Variants in HOMER1 observed in about 807,000 individuals in gnomAD.
The protein encoded by HOMER1 is homer scaffold protein 1, also known as homer protein homolog 1.
In HOMER1, 3 loss-of-function variants were observed where a neutral mutation model predicts 48.9. The observed-to-expected ratio is 0.06, with a 90% confidence interval of 0.03 to 0.16. HOMER1 has a LOEUF of 0.16. Among genes scored for constraint, HOMER1 ranks in the 10% least tolerant of loss-of-function variants. The pLI, the probability that HOMER1 is intolerant of heterozygous loss-of-function variation, is 1.00. For synonymous variants in HOMER1, 134 were observed against 146.4 expected (o/e 0.92, Z 0.61); for missense variants, 247 against 411.4 (o/e 0.60, Z 3.46).
At position 79,391,136 on chromosome 5, in the gene HOMER1, T is replaced by TTG. The variant is rs938727137; in HGVS notation, c.876+5686_876+5687insCA. On this transcript the variant is annotated intron_variant, in intron 8 of 8. Transcript: ENST00000334082. ...AGTTAATCAAAATTTTGTGGGTTTTTTTTTTGTTTTTTTTTTTTTTGAGAT... is the reference window on the plus strand; with the variant it reads ...AGTTAATCAAAATTTTGTGGGTTTTTTGTTTTTGTTTTTTTTTTTTTTGAGAT... Among the ~76,000 whole-genome samples the TTG allele has an allele frequency of 1.1e-3, 119 of 108,636 alleles. 2 individuals carry two copies. The South Asian group carries it at 0.016, about 15-fold the overall frequency. The allele number at this position is 108,636 out of a possible 152,430, so 71.3% of individuals were successfully genotyped here.
At chr5:79,379,079 C>CAT (rs3082000) in intron 8 of HOMER1, among the ~76,000 whole-genome samples, 9,432 of 54,542 alleles carry the variant, frequency 0.17, 1,545 homozygotes, top group Non-Finnish European at 0.29. Context: ...ACCTTTTGTC[C>CAT]ATATATATAT....
chr5:79,434,513 T>G (rs1238849747), intron 5 of HOMER1, among the ~76,000 whole-genome samples: 1 of 152,110 alleles, frequency 6.6e-6, no homozygotes, highest in Admixed American at 6.5e-5. Flanking sequence ...CAAAGGATGT[T>G]CAAGTGTATA....
In HOMER1 at chr5:79,514,110, C is replaced by G. The variant is rs2112393824; in HGVS notation, c.-1336G>C. 1 of 152,208 alleles carries G rather than the reference C, an allele frequency of 6.6e-6. No homozygotes were observed. Among genetic ancestry groups the G allele is most frequent in the African/African-American group, 2.4e-5 (1 of 41,542 alleles). 9.4% of individuals were successfully genotyped at this position (152,208 alleles called of 1,614,324 possible). On this transcript the variant is annotated 5_prime_UTR_variant, in exon 1 of 9. Coordinates refer to ENST00000334082, the MANE Select transcript of HOMER1 (RefSeq NM_004272.5). The stretch of plus-strand genomic sequence containing the variant: ...CTGCTTTCCCGGTCAGCGCCGCCGG[C>G]GTGAAGCTAGCGCGGCGGCAGAGTG...
intron 4 of HOMER1, among the ~76,000 whole-genome samples, chr5:79,446,242 C>T (rs1021119872): frequency 1.3e-5 from 2 of 152,142 alleles, no homozygotes; most frequent in Non-Finnish European, 2.9e-5. Flanking sequence ...CAATGAGGGA[C>T]CACCCCTACA....
At chr5:79,481,220 T>C (rs754330534) in intron 1 of HOMER1, among the ~76,000 whole-genome samples, 5 of 152,214 alleles carry the variant, frequency 3.3e-5, no homozygotes, top group Non-Finnish European at 7.3e-5. Flanking sequence ...ATTACAACTT[T>C]ATTTTTAACT....
At chr5:79,479,197 A>C (rs900501365) in intron 1 of HOMER1, among the ~76,000 whole-genome samples, 8 of 152,210 alleles carry the variant, frequency 5.3e-5, no homozygotes, top group African/African-American at 1.9e-4. Flanking sequence ...GTAGGACTGC[A>C]TAAAAAACAC....
At chr5:79,431,784 A>G (rs990117018) in intron 5 of HOMER1, among the ~76,000 whole-genome samples, 3 of 152,228 alleles carry the variant, frequency 2.0e-5, no homozygotes, top group Admixed American at 6.5e-5. Flanking sequence ...CTGTTCAGTC[A>G]TATCTACATT....
At chr5:79,411,590 T>C (rs1561353579) in intron 5 of HOMER1, among the ~76,000 whole-genome samples, 1 of 152,170 alleles carries the variant, frequency 6.6e-6, no homozygotes. Context: ...AAAGGCTCTA[T>C]TTTCAAAATA....
chr5:79,448,995 TCAGAGAAAAGTTCAAAC>T (rs1169274702), intron 3 of HOMER1, among the ~76,000 whole-genome samples: 1 of 151,958 alleles, frequency 6.6e-6, no homozygotes, highest in South Asian at 2.1e-4. Flanking sequence ...AAAGCCATTC[TCAGAGAAAAGTTCAAAC>T]AAGGGAAAAG....
At chr5:79,432,957 A>G (rs535589370) in intron 5 of HOMER1, among the ~76,000 whole-genome samples, 1 of 152,346 alleles carries the variant, frequency 6.6e-6, no homozygotes, top group African/African-American at 2.4e-5. Context: ...TAGTGGAGGA[A>G]TAATGATATT....
chr5:79,379,490 ATAAATATT>A (rs1457978478), intron 8 of HOMER1, among the ~76,000 whole-genome samples: 1 of 129,250 alleles, frequency 7.7e-6, no homozygotes, highest in African/African-American at 3.0e-5. Flanking sequence ...ATATAAATAT[ATAAATATT>A]TATATACATT....
At chr5:79,446,052 G>T (rs1285021151) in intron 4 of HOMER1, among the ~76,000 whole-genome samples, 1 of 152,222 alleles carries the variant, frequency 6.6e-6, no homozygotes, top group Non-Finnish European at 1.5e-5. Context: ...TGGCTGCAAA[G>T]AGACTGCTTC....
At position 79,487,846 on chromosome 5, in the gene HOMER1, T is replaced by C. The variant is rs190334129; in HGVS notation, c.5+24924A>G. ...GTTAAGAGTCCTTATTTCTTAGTAA[T>C]ACACAGTCATATATTTACAGGTAAA... On this transcript the variant is annotated intron_variant, in intron 1 of 8. Transcript: ENST00000334082. Among the ~76,000 whole-genome samples the C allele has an allele frequency of 1.0e-3, 152 of 152,314 alleles. 1 individual carries two copies. Among genetic ancestry groups the C allele is most frequent in the African/African-American group, 3.3e-3 (136 of 41,570 alleles).
intron 8 of HOMER1, among the ~76,000 whole-genome samples, chr5:79,396,119 C>G (rs1027057673): frequency 1.3e-5 from 2 of 152,014 alleles, no homozygotes; most frequent in Admixed American, 6.6e-5. Flanking sequence ...AGAAATCTTC[C>G]CTTACCATGT....
intron 4 of HOMER1, among the ~76,000 whole-genome samples, chr5:79,440,099 CAG>C (rs1323475645): frequency 6.6e-6 from 1 of 151,876 alleles, no homozygotes; most frequent in Non-Finnish European, 1.5e-5. Flanking sequence ...AAGTGTCCAA[CAG>C]GGGAGTGGTT....
In HOMER1 at chr5:79,455,937, G is replaced by A. The variant is rs150886058; in HGVS notation, c.162+925C>T. Among the ~76,000 whole-genome samples, 1,147 of 152,060 alleles carry A rather than the reference G, an allele frequency of 7.5e-3. 14 individuals are homozygous for A. The highest frequency in any genetic ancestry group is 0.026 in the African/African-American group (1,091 of 41,502). On this transcript the variant is annotated intron_variant, in intron 2 of 8. Coordinates refer to ENST00000334082, the MANE Select transcript of HOMER1 (RefSeq NM_004272.5). ...TTTGGGAGGCTGAGGCAGACAGATC[G>A]AGAGGTCAGGAGTTCAAGACCAGCC...
At chr5:79,470,602 A>G (rs573001621) in intron 1 of HOMER1, among the ~76,000 whole-genome samples, 1 of 152,312 alleles carries the variant, frequency 6.6e-6, no homozygotes, top group South Asian at 2.1e-4. Flanking sequence ...AGTGGACATC[A>G]AAGAACTAAA....
chr5:79,471,225 A>G (rs1751605155), intron 1 of HOMER1, among the ~76,000 whole-genome samples: 1 of 152,164 alleles, frequency 6.6e-6, no homozygotes, highest in Non-Finnish European at 1.5e-5. Context: ...CATCTCACTC[A>G]CAGTAAAATA....
intron 8 of HOMER1, among the ~76,000 whole-genome samples, chr5:79,385,341 A>G (rs72766728): frequency 2.6e-5 from 4 of 152,330 alleles, no homozygotes; most frequent in Admixed American, 6.5e-5. Flanking sequence ...AACTACTTGC[A>G]AACTATTCAT....
Sources: gnomAD v4.1 joint callset for allele counts (sites outside exome capture counted in the v4.1 genomes callset) on GRCh38, gnomAD v4.1.1 for gene constraint, MANE v1.5 for transcripts, NCBI Gene and HGNC (gene_info 2026-07-23, HGNC 2026-07-21) for gene names.